EYS: variants seen among roughly 807,000 people sequenced by gnomAD.
EYS encodes EGF-like photoreceptor maintenance factor.
In EYS, 250 loss-of-function variants were observed where a neutral mutation model predicts 282.1. That is an observed-to-expected ratio of 0.89 (90% CI 0.80 to 0.98). EYS has a LOEUF of 0.98. Among genes scored for constraint, EYS ranks in the 50% least tolerant of loss-of-function variants. The pLI, the probability that EYS is intolerant of heterozygous loss-of-function variation, is 0.00. For synonymous variants in EYS, 1,355 were observed against 1,282.9 expected (o/e 1.06, Z -1.20); for missense variants, 4,016 against 3,709.0 (o/e 1.08, Z -2.15).
chr6:65,448,849 TTA>T (rs1177737465), intron 5 of EYS, among the ~76,000 whole-genome samples: 2 of 152,048 alleles, frequency 1.3e-5, no homozygotes, highest in Non-Finnish European at 2.9e-5. Context: ...TAAACACAGT[TTA>T]TGTTTCAGCC....
chr6:64,840,218 C>T (rs574203997), intron 19 of EYS, among the ~76,000 whole-genome samples: 8 of 151,978 alleles, frequency 5.3e-5, no homozygotes, highest in Non-Finnish European at 1.0e-4. Flanking sequence ...ATAAGATTAT[C>T]ATGGTGTTTA....
intron 29 of EYS, among the ~76,000 whole-genome samples, chr6:64,372,130 G>GGTTTTTTT (rs1772394350): frequency 1.0e-5 from 1 of 97,738 alleles, no homozygotes; most frequent in African/African-American, 4.7e-5. Flanking sequence ...GTATACTTGT[G>GGTTTTTTT]TTTTTTTTTT....
chr6:64,124,115 A>G (rs998288467), intron 31 of EYS, among the ~76,000 whole-genome samples: 3 of 152,228 alleles, frequency 2.0e-5, no homozygotes, highest in African/African-American at 7.2e-5. Flanking sequence ...TACTGCTGTA[A>G]AAGATGTTTA....
intron 1 of EYS, among the ~76,000 whole-genome samples, chr6:65,698,055 T>C (rs1247382520): frequency 6.6e-6 from 1 of 152,048 alleles, no homozygotes; most frequent in African/African-American, 2.4e-5. Flanking sequence ...TGTGTCAGGG[T>C]GGGAGGGAGA....
intron 12 of EYS, among the ~76,000 whole-genome samples, chr6:65,208,812 T>C (rs1476175116): frequency 6.6e-6 from 1 of 151,610 alleles, no homozygotes; most frequent in Non-Finnish European, 1.5e-5. Context: ...TTGGAGGGGA[T>C]TGATGCTTAA....
chr6:65,196,894 C>T (rs1252901371), intron 12 of EYS, among the ~76,000 whole-genome samples: 1 of 151,968 alleles, frequency 6.6e-6, no homozygotes, highest in Admixed American at 6.6e-5. Flanking sequence ...ATAGCAGAGG[C>T]CAGCAGCCTC....
chr6:65,468,337 T>C (rs1765082835), intron 5 of EYS, among the ~76,000 whole-genome samples: 1 of 152,160 alleles, frequency 6.6e-6, no homozygotes, highest in African/African-American at 2.4e-5. Context: ...ATTTTATTCT[T>C]ACTTCCTCTA....
intron 2 of EYS, among the ~76,000 whole-genome samples, chr6:65,563,925 G>A (rs1257707585): frequency 6.6e-6 from 1 of 152,122 alleles, no homozygotes; most frequent in African/African-American, 2.4e-5. Context: ...AGCAACTTCA[G>A]CAAAGTGTCA....
At chr6:65,444,608 TTTG>T (rs147223628) in intron 5 of EYS, among the ~76,000 whole-genome samples, 28,059 of 151,778 alleles carry the variant, frequency 0.18, 3,216 homozygotes, top group Middle Eastern at 0.3. Context: ...AATATTGGGT[TTTG>T]TTGTTCTATA....
chr6:64,712,216 G>A lies in EYS; in HGVS notation c.3444-85971C>T, dbSNP rs556951027. Reference sequence around the variant, plus strand: ...CAATGTGTGTGTGAAATAAAATAGTGTGTGAATGTGAGTCTAAGAAATATC... The same window carrying A: ...CAATGTGTGTGTGAAATAAAATAGTATGTGAATGTGAGTCTAAGAAATATC... On this transcript the variant is annotated intron_variant, in intron 22 of 42. Coordinates refer to ENST00000503581, the MANE Select transcript of EYS (RefSeq NM_001142800.2). Among the ~76,000 whole-genome samples the A allele has an allele frequency of 3.8e-4, 58 of 152,334 alleles. No individual in the cohort carries two copies. In the Middle Eastern group the frequency reaches 0.014, roughly 36 times the overall value.
intron 31 of EYS, among the ~76,000 whole-genome samples, chr6:64,219,090 G>C (rs908511014): frequency 6.6e-6 from 1 of 152,152 alleles, no homozygotes; most frequent in African/African-American, 2.4e-5. Context: ...CGCAATGACA[G>C]AATGCATTTG....
At chr6:65,439,614 G>T (rs548818135) in intron 5 of EYS, among the ~76,000 whole-genome samples, 5 of 152,072 alleles carry the variant, frequency 3.3e-5, no homozygotes, top group Non-Finnish European at 7.4e-5. Flanking sequence ...TGAAGCAATT[G>T]TGAATGGGAG....
chr6:63,993,453 CTG>C (rs1264480125), intron 34 of EYS, among the ~76,000 whole-genome samples: 1 of 151,806 alleles, frequency 6.6e-6, no homozygotes, highest in Non-Finnish European at 1.5e-5. Flanking sequence ...CACACAAAAA[CTG>C]TTAGAGCCAA....
At chr6:64,296,352 A>T (rs1437753179) in intron 30 of EYS, among the ~76,000 whole-genome samples, 4 of 152,130 alleles carry the variant, frequency 2.6e-5, no homozygotes. Context: ...TACATATAAC[A>T]GCGCCATTCT....
At chr6:64,891,821 C>A (rs2150066183) in intron 18 of EYS, among the ~76,000 whole-genome samples, 1 of 151,954 alleles carries the variant, frequency 6.6e-6, no homozygotes, top group African/African-American at 2.4e-5. Context: ...ATAATAATAT[C>A]TTCTATCTTG....
chr6:65,079,872 C>A (rs1774177538), intron 12 of EYS, among the ~76,000 whole-genome samples: 1 of 152,028 alleles, frequency 6.6e-6, no homozygotes, highest in Admixed American at 6.6e-5. Flanking sequence ...TATTGTTTCT[C>A]AACAACCAGA....
rs908135406 is a variant in EYS at position 65,335,294 on chromosome 6, G to A, written c.1600-148C>T. The A allele has an allele frequency of 6.7e-5, 46 of 689,102 alleles. No individual in the cohort carries two copies. The African/African-American group carries it at 7.0e-4, about 10-fold the overall frequency. 42.7% of individuals were successfully genotyped at this position (689,102 alleles called of 1,614,324 possible). On this transcript the variant is annotated intron_variant, in intron 10 of 42. Transcript: ENST00000503581. ...GAAACAGAAGGTAACTATTGGACAAGGGTTCAAAGCTTGGCTGGCACAGCA... is the reference window on the plus strand; with the variant it reads ...GAAACAGAAGGTAACTATTGGACAAAGGTTCAAAGCTTGGCTGGCACAGCA...
In EYS at chr6:65,508,990, G is replaced by A. The variant is rs373334064; in HGVS notation, c.-332-12997C>T. ...CTACCTAAGACTGCAGTGTAGCTCCGGGGAGATTCTCCCTCACACAAATCA... is the reference window on the plus strand; with the variant it reads ...CTACCTAAGACTGCAGTGTAGCTCCAGGGAGATTCTCCCTCACACAAATCA... On this transcript the variant is annotated intron_variant, in intron 2 of 42. Coordinates refer to ENST00000503581, the MANE Select transcript of EYS (RefSeq NM_001142800.2). 2.1e-4 allele frequency among the ~76,000 whole-genome samples: 32 copies of A among 152,200 alleles called. No homozygotes were observed. In the South Asian group the frequency reaches 3.5e-3, roughly 17 times the overall value.
At chr6:65,668,370 A>G (rs1768270177) in intron 1 of EYS, among the ~76,000 whole-genome samples, 1 of 151,812 alleles carries the variant, frequency 6.6e-6, no homozygotes, top group Non-Finnish European at 1.5e-5. Context: ...GCACCTCATT[A>G]TTTTATATTG....
Sources: gnomAD v4.1 joint callset for allele counts (sites outside exome capture counted in the v4.1 genomes callset) on GRCh38, gnomAD v4.1.1 for gene constraint, MANE v1.5 for transcripts, NCBI Gene and HGNC (gene_info 2026-07-23, HGNC 2026-07-21) for gene names.